MPP7: variants seen among roughly 807,000 people sequenced by gnomAD.
MPP7 encodes the protein MAGUK p55 subfamily member 7.
A neutral mutation model predicts 76.5 loss-of-function variants in MPP7; 60 were observed. The observed-to-expected ratio is 0.78, with a 90% confidence interval of 0.64 to 0.97. The LOEUF is 0.97. Ranked by LOEUF, MPP7 falls within the 50% of genes least tolerant of loss-of-function variation. The probability of loss-of-function intolerance (pLI) is 0.00; values close to 1 mark genes in which losing one functional copy is unlikely to be tolerated. For missense variants in MPP7, 641 were observed against 694.0 expected (o/e 0.92, Z 0.86); for synonymous variants, 237 against 244.5 (o/e 0.97, Z 0.29).
chr10:28,143,258 A>T (rs1199973317), intron 5 of MPP7, among the ~76,000 whole-genome samples: 1 of 152,242 alleles, frequency 6.6e-6, no homozygotes, highest in Non-Finnish European at 1.5e-5. Context: ...AATTCACAGA[A>T]GAAATAAAAA....
At chr10:28,149,313 A>C (rs548255246) in intron 4 of MPP7, among the ~76,000 whole-genome samples, 44 of 152,302 alleles carry the variant, frequency 2.9e-4, no homozygotes, top group African/African-American at 9.4e-4. Flanking sequence ...CATGTCCTTT[A>C]TAGTTTATCC....
At chr10:28,076,138 G>T (rs533989638) in intron 12 of MPP7, among the ~76,000 whole-genome samples, 2 of 152,272 alleles carry the variant, frequency 1.3e-5, no homozygotes, top group South Asian at 2.1e-4. Context: ...GATAAAAGGG[G>T]AGGTGATGGA....
At chr10:28,131,756 T>C in intron 5 of MPP7, 65 bp from the exon 6 acceptor site, 1 of 883,666 alleles carries the variant, frequency 1.1e-6, no homozygotes, top group Non-Finnish European at 1.4e-6. Context: ...ATGTAATATA[T>C]ATAAAATTTC....
intron 3 of MPP7, among the ~76,000 whole-genome samples, chr10:28,198,610 T>C (rs1023001572): frequency 6.0e-5 from 9 of 149,068 alleles, no homozygotes; most frequent in Admixed American, 2.7e-4. Context: ...AAGAAAGAAA[T>C]ATAGTATTTA....
At chr10:28,183,991 C>T (rs1837143703) in intron 3 of MPP7, among the ~76,000 whole-genome samples, 1 of 151,948 alleles carries the variant, frequency 6.6e-6, no homozygotes, top group African/African-American at 2.4e-5. Flanking sequence ...TTTCATCTAT[C>T]AATTCTTTTG....
At position 28,130,155 on chromosome 10, in the gene MPP7, A is replaced by T. The variant is rs150750807; in HGVS notation, c.447+1405T>A. Among the ~76,000 whole-genome samples the T allele has an allele frequency of 5.9e-5, 9 of 152,262 alleles. No homozygotes were observed. In the East Asian group the frequency reaches 1.7e-3, roughly 29 times the overall value. ...TAAATATTAGATGGAATATATTCTAATATCTTTTAAATATTAGATAGAATA... is the reference window on the plus strand; with the variant it reads ...TAAATATTAGATGGAATATATTCTATTATCTTTTAAATATTAGATAGAATA... On this transcript the variant is annotated intron_variant, in intron 6 of 16. Transcript: ENST00000683449.
rs1281057829 is a variant in MPP7 at position 28,059,670 on chromosome 10, C to G, written c.1278G>C (p.Glu426Asp). ...EYIFISKHLFETDVQNNKFIE... is the reference protein window; with the variant it reads ...EYIFISKHLFDTDVQNNKFIE... ...CATACTTGTTATTTTGTACATCTGT[C>G]TCAAACAAATGCTTGGAAATGAAAA... The change falls in exon 14 of 17, where the codon GAG (glutamate) becomes GAC (aspartate). Residue 426 changes from glutamate (E) to aspartate (D), a missense_variant. Physicochemically the swap from Glu to Asp is conservative, Grantham distance 45 (BLOSUM62 2). Transcript: ENST00000683449. 1 of 1,612,950 alleles carries G rather than the reference C, an allele frequency of 6.2e-7. No homozygotes were observed. Among genetic ancestry groups the G allele is most frequent in the South Asian group, 1.1e-5 (1 of 91,032 alleles).
intron 2 of MPP7, among the ~76,000 whole-genome samples, chr10:28,210,303 C>A (rs1297856729): frequency 1.3e-5 from 2 of 152,170 alleles, no homozygotes; most frequent in Admixed American, 6.5e-5. Context: ...GTTTTTACTA[C>A]AATGCCAAAA....
chr10:28,072,714 C>T (rs138669608), intron 12 of MPP7, among the ~76,000 whole-genome samples: 1 of 152,324 alleles, frequency 6.6e-6, no homozygotes, highest in Non-Finnish European at 1.5e-5. Context: ...TCAACCATGA[C>T]ATGGCACGCC....
chr10:28,078,147 C>T (rs1299691691), intron 12 of MPP7, among the ~76,000 whole-genome samples: 1 of 152,204 alleles, frequency 6.6e-6, no homozygotes, highest in African/African-American at 2.4e-5. Context: ...GCCAATAAAA[C>T]ATGAACTCGG....
chr10:28,240,534 T>C (rs1359627748), intron 1 of MPP7, among the ~76,000 whole-genome samples: 5 of 152,140 alleles, frequency 3.3e-5, no homozygotes, highest in African/African-American at 4.8e-5. Context: ...CAAATCCATA[T>C]AGAAAAGAGT....
Position 28,051,822 on chromosome 10 carries a change from C to G in MPP7, c.*2243G>C, listed in dbSNP as rs1372676813. The G allele has an allele frequency of 1.3e-5, 2 of 150,854 alleles. No homozygotes were observed. The highest frequency in any genetic ancestry group is 1.3e-4 in the Admixed American group (2 of 15,056). 9.3% of individuals were successfully genotyped at this position (150,854 alleles called of 1,614,324 possible). A position where few individuals can be genotyped will look rare whatever the true frequency, so the allele number is the denominator to read the frequency against. On this transcript the variant is annotated 3_prime_UTR_variant, in exon 17 of 17. Transcript: ENST00000683449. The stretch of plus-strand genomic sequence containing the variant: ...ATCCCAGCACTTTGGGAGGCCAAGG[C>G]AGGAGGATTGCTTGAGCCCAGGAGT...
chr10:28,157,113 G>A (rs1836091138), intron 3 of MPP7, among the ~76,000 whole-genome samples: 1 of 152,084 alleles, frequency 6.6e-6, no homozygotes, highest in African/African-American at 2.4e-5. Context: ...GGGAGGCTGA[G>A]ACAGGAGAAT....
chr10:28,234,287 G>A (rs569526384), intron 2 of MPP7, among the ~76,000 whole-genome samples: 2 of 152,140 alleles, frequency 1.3e-5, no homozygotes, highest in Admixed American at 1.3e-4. Context: ...ACAAAATAAA[G>A]TAGTCATGGC....
At chr10:28,301,613 A>G (rs1240871898) in intron 1 of MPP7, among the ~76,000 whole-genome samples, 1 of 152,232 alleles carries the variant, frequency 6.6e-6, no homozygotes, top group Non-Finnish European at 1.5e-5. Context: ...TAGGTATAAA[A>G]TAAAGTAGGA....
intron 1 of MPP7, among the ~76,000 whole-genome samples, chr10:28,269,358 T>A (rs1840247923): frequency 6.6e-6 from 1 of 152,184 alleles, no homozygotes; most frequent in African/African-American, 2.4e-5. Context: ...TCTAATCTAG[T>A]CCAACCTTGC....
At chr10:28,056,427 G>A in intron 16 of MPP7, 53 bp downstream of exon 16, 2 of 1,559,064 alleles carry the variant, frequency 1.3e-6, no homozygotes, top group Non-Finnish European at 1.7e-6. Flanking sequence ...CCAAAGTGCT[G>A]GGATTACAGG....
intron 1 of MPP7, among the ~76,000 whole-genome samples, chr10:28,296,494 T>C (rs1350362637): frequency 6.6e-6 from 1 of 152,224 alleles, no homozygotes; most frequent in Non-Finnish European, 1.5e-5. Flanking sequence ...TCAAAATATC[T>C]TGCAAAATGC....
At chr10:28,179,832 A>T (rs1414285697) in intron 3 of MPP7, among the ~76,000 whole-genome samples, 1 of 152,206 alleles carries the variant, frequency 6.6e-6, no homozygotes. Context: ...AATGAAAATC[A>T]AATTTTTACC....
Sources: allele counts gnomAD v4.1 joint callset (sites outside exome capture counted in the v4.1 genomes callset), GRCh38; gene constraint gnomAD v4.1.1; transcripts MANE v1.5; gene names NCBI Gene and HGNC (gene_info 2026-07-23, HGNC 2026-07-21).